ANGPT1: variants seen among roughly 807,000 people sequenced by gnomAD.
ANGPT1 encodes the protein angiopoietin 1.
Under a neutral mutation model 62.2 loss-of-function variants are expected in ANGPT1, and 17 were observed. The observed-to-expected ratio is 0.27, with a 90% CI of 0.19 to 0.41. The LOEUF (loss-of-function observed/expected upper bound fraction) is 0.41. Ranked by LOEUF, ANGPT1 falls within the 10% of genes least tolerant of loss-of-function variation. ANGPT1 has a pLI of 1.00. For synonymous variants in ANGPT1, 199 were observed against 198.9 expected (o/e 1.00, Z 0.00); for missense variants, 478 against 594.9 (o/e 0.80, Z 2.04).
At chr8:107,275,666 ATC>A (rs1311183396) in intron 7 of ANGPT1, among the ~76,000 whole-genome samples, 2 of 152,148 alleles carry the variant, frequency 1.3e-5, no homozygotes, top group Non-Finnish European at 2.9e-5. Flanking sequence ...CTGTACTGAA[ATC>A]TCTGTGGACA....
Position 107,497,477 on chromosome 8 carries a change from T to G in ANGPT1, c.82A>C (p.Asn28His), listed in dbSNP as rs1288975673. Residue 28 changes from asparagine (N) to histidine (H), a missense_variant, in exon 1 of 9, where the codon AAC (asparagine) becomes CAC (histidine). By Grantham distance (68) the Asn-to-His change is moderately conservative. This residue lies in a region of ANGPT1 where 343 missense variants were observed against 355.4 expected (regional missense o/e 0.97). Coordinates refer to ENST00000517746, the MANE Select transcript of ANGPT1 (RefSeq NM_001146.5). ...GCSNQRRSPE[N>H]SGRRYNRIQH... The stretch of plus-strand genomic sequence containing the variant: ...ATCCGGTTATATCTTCTCCCACTGT[T>G]TTCTGGACTTCGGCGCTGATTGCTG... 6.2e-7 allele frequency: 1 copy of G among 1,614,174 alleles called. No individual in the cohort carries two copies. Among genetic ancestry groups the G allele is most frequent in the Admixed American group, 1.7e-5 (1 of 60,020 alleles).
intron 1 of ANGPT1, among the ~76,000 whole-genome samples, chr8:107,476,844 C>T (rs896544835): frequency 3.9e-5 from 6 of 152,130 alleles, no homozygotes; most frequent in African/African-American, 1.4e-4. Flanking sequence ...TTGATGAAGA[C>T]TTCTGGTTTA....
chr8:107,268,659 T>C (rs1239024745), intron 7 of ANGPT1, among the ~76,000 whole-genome samples: 3 of 152,080 alleles, frequency 2.0e-5, no homozygotes, highest in Non-Finnish European at 4.4e-5. Context: ...GAAAGCAAAT[T>C]CAAAATAAAA....
chr8:107,365,119 A>G (rs1283658), intron 1 of ANGPT1, among the ~76,000 whole-genome samples: 128,482 of 152,186 alleles, frequency 0.84, 55,113 homozygotes, highest in East Asian at 0.98. Flanking sequence ...TATTGCAAGC[A>G]TTTAAGGTTT....
intron 1 of ANGPT1, among the ~76,000 whole-genome samples, chr8:107,378,911 A>AATATATAT (rs139171299): frequency 1.1e-4 from 16 of 143,608 alleles, no homozygotes; most frequent in African/African-American, 4.0e-4. Flanking sequence ...AAAATGAACA[A>AATATATAT]ATATATATAT....
chr8:107,316,114 A>G (rs1815007768), intron 4 of ANGPT1, among the ~76,000 whole-genome samples: 1 of 152,174 alleles, frequency 6.6e-6, no homozygotes, highest in Non-Finnish European at 1.5e-5. Context: ...TGCAATTGGT[A>G]TTAGATTAGA....
At chr8:107,321,811 T>C (rs1815155652) in intron 4 of ANGPT1, 85 bp downstream of exon 4, 1 of 1,128,462 alleles carries the variant, frequency 8.9e-7, no homozygotes, top group Non-Finnish European at 1.3e-6. Context: ...CAGCAATCAA[T>C]GCACTGTAGA....
chr8:107,399,203 C>T (rs983432762), intron 1 of ANGPT1, among the ~76,000 whole-genome samples: 1 of 152,124 alleles, frequency 6.6e-6, no homozygotes, highest in Non-Finnish European at 1.5e-5. Context: ...ATTCCAGAAG[C>T]TTCTCTTCAT....
At chr8:107,264,503 T>G (rs563894608) in intron 7 of ANGPT1, 152 bp from the exon 8 acceptor site, 4 of 935,112 alleles carry the variant, frequency 4.3e-6, no homozygotes, top group Non-Finnish European at 6.2e-6. Flanking sequence ...CCAAGCTATC[T>G]GAACCAAAAG....
intron 1 of ANGPT1, among the ~76,000 whole-genome samples, chr8:107,417,557 T>A (rs1204108754): frequency 6.6e-6 from 1 of 152,132 alleles, no homozygotes; most frequent in Non-Finnish European, 1.5e-5. Flanking sequence ...CCCCCGTTAT[T>A]TTCATTCCTG....
chr8:107,311,367 TCTTC>T (rs1165437906), intron 4 of ANGPT1, among the ~76,000 whole-genome samples: 1 of 152,070 alleles, frequency 6.6e-6, no homozygotes, highest in African/African-American at 2.4e-5. Flanking sequence ...TTCAATTTTC[TCTTC>T]CAAAAAAAGA....
chr8:107,380,462 A>G (rs1233778034), intron 1 of ANGPT1, among the ~76,000 whole-genome samples: 1 of 151,872 alleles, frequency 6.6e-6, no homozygotes. Flanking sequence ...TATACTATGC[A>G]TACACATTAG....
chr8:107,286,133 G>A (rs1226134513), intron 6 of ANGPT1, among the ~76,000 whole-genome samples: 2 of 152,096 alleles, frequency 1.3e-5, no homozygotes, highest in Non-Finnish European at 2.9e-5. Context: ...TTCTTAAAGT[G>A]CCCAACTGGG....
At chr8:107,449,223 G>A (rs1369258143) in intron 1 of ANGPT1, among the ~76,000 whole-genome samples, 4 of 151,952 alleles carry the variant, frequency 2.6e-5, no homozygotes, top group Admixed American at 1.3e-4. Context: ...GATAGTCAGT[G>A]GAACAAAGAA....
At chr8:107,467,100 C>A (rs62514476) in intron 1 of ANGPT1, among the ~76,000 whole-genome samples, 7,971 of 151,976 alleles carry the variant, frequency 0.052, 232 homozygotes, top group South Asian at 0.11. Flanking sequence ...GTCAAGTGTG[C>A]AGATAAGCAA....
In ANGPT1 at chr8:107,272,643, C is replaced by T. The variant is rs116687885; in HGVS notation, c.1206-8292G>A. Among the ~76,000 whole-genome samples the T allele has an allele frequency of 2.6e-3, 387 of 151,604 alleles. 2 individuals carry two copies. Among genetic ancestry groups the T allele is most frequent in the African/African-American group, 9.0e-3 (373 of 41,390 alleles). On this transcript the variant is annotated intron_variant, in intron 7 of 8. Coordinates refer to ENST00000517746, the MANE Select transcript of ANGPT1 (RefSeq NM_001146.5). The stretch of plus-strand genomic sequence containing the variant: ...GCTCAAAACTCATGATAAATTTTTC[C>T]TCCAAAGAAAATAGCAAACCCACGT...
intron 1 of ANGPT1, among the ~76,000 whole-genome samples, chr8:107,463,904 T>C (rs1290080738): frequency 1.3e-5 from 2 of 152,160 alleles, no homozygotes; most frequent in Non-Finnish European, 2.9e-5. Flanking sequence ...ATATATTGAA[T>C]GCACTATAAA....
chr8:107,266,507 A>C (rs1813617032), intron 7 of ANGPT1, among the ~76,000 whole-genome samples: 1 of 152,346 alleles, frequency 6.6e-6, no homozygotes, highest in African/African-American at 2.4e-5. Context: ...AATTGAGAGA[A>C]TAAGTGAATG....
chr8:107,385,148 T>C (rs1486077926), intron 1 of ANGPT1, among the ~76,000 whole-genome samples: 2 of 152,076 alleles, frequency 1.3e-5, no homozygotes, highest in African/African-American at 4.8e-5. Context: ...TTTGTTTGTT[T>C]GTTTTCCAGT....
Sources: gnomAD v4.1 joint callset for allele counts (sites outside exome capture counted in the v4.1 genomes callset) on GRCh38, gnomAD v4.1.1 for gene constraint, gnomAD v4.1.1 regional missense constraint, MANE v1.5 for transcripts, NCBI Gene and HGNC (gene_info 2026-07-23, HGNC 2026-07-21) for gene names.